PTPN13: variants seen among roughly 807,000 people sequenced by gnomAD.
PTPN13 encodes protein tyrosine phosphatase non-receptor type 13.
Under a neutral mutation model 284.0 loss-of-function variants are expected in PTPN13, and 191 were observed. The observed-to-expected ratio is 0.67, with a 90% CI of 0.60 to 0.76. PTPN13 has a LOEUF of 0.76. Among genes scored for constraint, PTPN13 ranks in the 30% least tolerant of loss-of-function variants. The pLI is 0.00. For missense variants in PTPN13, 2,797 were observed against 2,939.9 expected (o/e 0.95, Z 1.12); for synonymous variants, 986 against 1,022.3 (o/e 0.96, Z 0.68).
intron 4 of PTPN13, 38 bp from the exon 5 acceptor site, chr4:86,688,967 C>T (rs576151901): frequency 6.8e-7 from 1 of 1,478,260 alleles, no homozygotes; most frequent in African/African-American, 1.4e-5. Flanking sequence ...AATATTTGCT[C>T]ACATTTACTC....
intron 17 of PTPN13, among the ~76,000 whole-genome samples, chr4:86,747,326 A>G (rs2149193228): frequency 6.6e-6 from 1 of 152,366 alleles, no homozygotes; most frequent in Middle Eastern, 3.4e-3. Context: ...TGATTGCCAT[A>G]AGATAATACC....
At chr4:86,764,520 GAAATTAAAAAAA>G in intron 24 of PTPN13, 61 bp from the exon 25 acceptor site, 4 of 1,176,862 alleles carry the variant, frequency 3.4e-6, no homozygotes, top group Non-Finnish European at 3.4e-6. Context: ...TAAAAAAAAA[GAAATTAAAAAAA>G]GAAAAATTAT....
chr4:86,627,656 A>G (rs986951969), intron 1 of PTPN13, among the ~76,000 whole-genome samples: 1 of 152,054 alleles, frequency 6.6e-6, no homozygotes, highest in Non-Finnish European at 1.5e-5. Flanking sequence ...CATATTTATG[A>G]CCTCCAAATG....
In PTPN13 at chr4:86,701,233, C is replaced by T. The variant is rs567773315; in HGVS notation, c.635-8C>T. 1 of 1,530,558 alleles carries T rather than the reference C, an allele frequency of 6.5e-7. No individual in the cohort carries two copies. The highest frequency in any genetic ancestry group is 1.4e-5 in the African/African-American group (1 of 71,952). 94.8% of individuals were successfully genotyped at this position (1,530,558 alleles called of 1,614,324 possible). A position where few individuals can be genotyped will look rare whatever the true frequency, so the allele number is the denominator to read the frequency against. ...GTGTGCATACATGATAGATTCTTAT[C>T]ATTCCAGGAAGAAGCTCTACTTCTG... On this transcript the variant is annotated splice_region_variant and splice_polypyrimidine_tract_variant and intron_variant, in intron 6 of 47. Transcript: ENST00000411767.
chr4:86,765,370 T>C, intron 25 of PTPN13, 25 bp from the exon 26 acceptor site: 1 of 1,546,894 alleles, frequency 6.5e-7, no homozygotes, highest in South Asian at 1.2e-5. Flanking sequence ...TGTTATAAAA[T>C]ATTATTTTGT....
intron 30 of PTPN13, 69 bp downstream of exon 30, chr4:86,770,268 G>A: frequency 7.2e-7 from 1 of 1,391,120 alleles, no homozygotes; most frequent in South Asian, 1.2e-5. Flanking sequence ...ATTCAGCTGT[G>A]GTGGTTTCAT....
At chr4:86,757,532 G>C (rs907263847) in intron 20 of PTPN13, among the ~76,000 whole-genome samples, 1 of 152,040 alleles carries the variant, frequency 6.6e-6, no homozygotes, top group African/African-American at 2.4e-5. Flanking sequence ...CTCTTTTGGA[G>C]GCCTAGATAG....
At chr4:86,772,984 A>G (rs758298240) in intron 32 of PTPN13, 26 bp downstream of exon 32, 1 of 1,451,764 alleles carries the variant, frequency 6.9e-7, no homozygotes, top group Non-Finnish European at 9.2e-7. Flanking sequence ...TATATTTAAA[A>G]AAAAATCCAT....
At chr4:86,600,063 T>C (rs1764161710) in intron 1 of PTPN13, among the ~76,000 whole-genome samples, 1 of 152,184 alleles carries the variant, frequency 6.6e-6, no homozygotes, top group South Asian at 2.1e-4. Flanking sequence ...AATGATGTGA[T>C]TGAGCTTTCA....
chr4:86,606,863 A>G (rs1328494441), intron 1 of PTPN13, among the ~76,000 whole-genome samples: 1 of 151,886 alleles, frequency 6.6e-6, no homozygotes, highest in Admixed American at 6.6e-5. Flanking sequence ...TATCATCTGA[A>G]GGATTGTCAT....
chr4:86,795,590 G>A (rs1467888011), intron 40 of PTPN13, among the ~76,000 whole-genome samples: 5 of 152,106 alleles, frequency 3.3e-5, no homozygotes, highest in East Asian at 1.9e-4. Context: ...ACATGCACAC[G>A]TATGTTTATT....
rs1408806381 is a variant in PTPN13, at chr4:86,796,881, A to G, written c.6353A>G (p.Lys2118Arg). The G allele has an allele frequency of 3.4e-6, 5 of 1,484,798 alleles. No individual in the cohort carries two copies. The highest frequency in any genetic ancestry group is 1.9e-5 in the Admixed American group (1 of 53,532). The allele number at this position is 1,484,798 out of a possible 1,614,324, so 92.0% of individuals were successfully genotyped here. A position where few individuals can be genotyped will look rare whatever the true frequency, so the allele number is the denominator to read the frequency against. The change falls in exon 41 of 48, where the codon AAA becomes AGA. Residue 2118 changes from lysine to arginine, a missense_variant. Physicochemically the swap from Lys to Arg is conservative, Grantham distance 26 (BLOSUM62 2). Coordinates refer to ENST00000411767, the MANE Select transcript of PTPN13 (RefSeq NM_080683.3). ...TATATATTTTTATTGTAGGCCACCA[A>G]AATGAATGGCTGTGAAGAATATTGT... is the stretch of plus-strand genomic sequence containing the variant. ...PLPEYFTEAT[K>R]MNGCEEYCEE...
In PTPN13 at chr4:86,763,787, C is replaced by T. The variant is rs138043397; in HGVS notation, c.4017+597C>T. 9.9e-4 allele frequency among the ~76,000 whole-genome samples: 150 copies of T among 152,088 alleles called. 1 individual carries two copies. The highest frequency in any genetic ancestry group is 3.4e-3 in the African/African-American group (141 of 41,466). On this transcript the variant is annotated intron_variant, in intron 24 of 47. Transcript: ENST00000411767. ...ATTATCCAGGCAAGGTGGCATGTAT[C>T]TGTAGTCCTAGCTCCTTGGGAGGCT...
chr4:86,638,901 G>A (rs1424005234), intron 2 of PTPN13, among the ~76,000 whole-genome samples: 1 of 152,140 alleles, frequency 6.6e-6, no homozygotes, highest in African/African-American at 2.4e-5. Context: ...GCAACCTACA[G>A]AATGGGAGAA....
chr4:86,616,644 A>C (rs551198198), intron 1 of PTPN13, among the ~76,000 whole-genome samples: 1 of 151,816 alleles, frequency 6.6e-6, no homozygotes, highest in South Asian at 2.1e-4. Context: ...GGTTGTTTAA[A>C]AGTATGTGAC....
Position 86,741,807 on chromosome 4 carries a change from A to G in PTPN13, c.2478A>G (p.Ile826Met), listed in dbSNP as rs752875937. Reference sequence around the variant, plus strand: ...TTCCATGGAGGGAAACCAAGAAAATATCTTTTTCTGTATGTCCATTTAACC... The same window carrying G: ...TTCCATGGAGGGAAACCAAGAAAATGTCTTTTTCTGTATGTCCATTTAACC... ...LRFPWRETKK[I>M]SFSKKKITLQ... Residue 826 changes from isoleucine to methionine, a missense_variant, in exon 16 of 48, where the codon ATA becomes ATG. Ile to Met is a conservative substitution (Grantham distance 10). Coordinates refer to ENST00000411767, the MANE Select transcript of PTPN13 (RefSeq NM_080683.3). The G allele has an allele frequency of 1.9e-6, 3 of 1,595,634 alleles. No homozygotes were observed. The highest frequency in any genetic ancestry group is 2.6e-6 in the Non-Finnish European group (3 of 1,170,152).
chr4:86,739,017 G>T (rs1415718413), intron 15 of PTPN13, among the ~76,000 whole-genome samples: 1 of 152,160 alleles, frequency 6.6e-6, no homozygotes, highest in African/African-American at 2.4e-5. Flanking sequence ...CAATGTTAAT[G>T]AAGTTTCCAA....
intron 1 of PTPN13, among the ~76,000 whole-genome samples, chr4:86,622,298 A>G (rs17011959): frequency 0.046 from 7,055 of 152,280 alleles, 220 homozygotes; most frequent in African/African-American, 0.06. Context: ...TTTTTCTGCT[A>G]ATTTAATAAA....
chr4:86,605,596 A>G (rs1451290630), intron 1 of PTPN13, among the ~76,000 whole-genome samples: 1 of 151,908 alleles, frequency 6.6e-6, no homozygotes, highest in African/African-American at 2.4e-5. Flanking sequence ...GGCTACAAAG[A>G]TAGATGTGGG....
Sources: allele counts gnomAD v4.1 joint callset (sites outside exome capture counted in the v4.1 genomes callset), GRCh38; gene constraint gnomAD v4.1.1; transcripts MANE v1.5; gene names NCBI Gene and HGNC (gene_info 2026-07-23, HGNC 2026-07-21).